The following GALNT15 variants were observed in gnomAD, a reference collection of about 807,000 sequenced individuals.
The protein encoded by GALNT15 is UDP-GalNAc transferase T15.
In GALNT15, 67 loss-of-function variants were observed where a neutral mutation model predicts 66.8. That is an observed-to-expected ratio of 1.00 (90% CI 0.82 to 1.23). The LOEUF (loss-of-function observed/expected upper bound fraction) is 1.23, where lower values mean the gene tolerates loss of function less well. Ranked by LOEUF, GALNT15 falls within the 50% of genes most tolerant of loss-of-function variation. The pLI is 0.00. For missense variants in GALNT15, 827 were observed against 804.3 expected (o/e 1.03, Z -0.34); for synonymous variants, 313 against 311.5 (o/e 1.00, Z -0.05).
In GALNT15 at chr3:16,203,945, A is replaced by G. The variant is rs2063730468; in HGVS notation, c.911+3122A>G. 2.0e-5 allele frequency among the ~76,000 whole-genome samples: 3 copies of G among 151,920 alleles called. No homozygotes were observed. The highest frequency in any genetic ancestry group is 2.0e-4 in the Admixed American group (3 of 15,252). On this transcript the variant is annotated intron_variant, in intron 3 of 9. Coordinates refer to ENST00000339732, the MANE Select transcript of GALNT15 (RefSeq NM_054110.5). This position sits in a 1 kb window ranked among gnomAD's most constrained non-coding sequence, Gnocchi z 6.2. ...GCATTTGGTGCAGCTCCTCACATGGAGAGGAGAGGGGGCCCAGCTGTCTCC... is the reference window on the plus strand; with the variant it reads ...GCATTTGGTGCAGCTCCTCACATGGGGAGGAGAGGGGGCCCAGCTGTCTCC...
At chr3:16,178,489 A>G (rs2063435340) in intron 1 of GALNT15, among the ~76,000 whole-genome samples, 1 of 152,288 alleles carries the variant, frequency 6.6e-6, no homozygotes, top group South Asian at 2.1e-4. Flanking sequence ...AACGGCCGCC[A>G]GCTTTGTGCG....
the GALNT15 span, among the ~76,000 whole-genome samples, chr3:16,246,321 G>T: frequency 1.5e-3 from 128 of 85,300 alleles, 1 homozygote; most frequent in African/African-American, 2.0e-3. Context: ...TTTGAAAGTG[G>T]TTTTTTTTTT....
At position 16,176,194 on chromosome 3, in the gene GALNT15, G is replaced by C. The variant is rs1434120304; in HGVS notation, c.539+504G>C. ...AATAACAATTGCAGTTTACATTTAG[G>C]GGGCTCTTCCCATGCGTCTGGATTT... On this transcript the variant is annotated intron_variant, in intron 1 of 9. Transcript: ENST00000339732. The surrounding 1 kb of genome is among the most constrained non-coding windows in gnomAD (Gnocchi z 5.6). 1.3e-5 allele frequency among the ~76,000 whole-genome samples: 2 copies of C among 152,124 alleles called. No homozygotes were observed. Among genetic ancestry groups the C allele is most frequent in the African/African-American group, 4.8e-5 (2 of 41,412 alleles).
At chr3:16,197,623 C>T (rs1479295461) in intron 2 of GALNT15, among the ~76,000 whole-genome samples, 2 of 152,124 alleles carry the variant, frequency 1.3e-5, no homozygotes, top group Admixed American at 6.5e-5. Flanking sequence ...GCTTCCAAGC[C>T]GATGGTCATG....
downstream of GALNT15, chr3:16,231,674 T>C: frequency 1.3e-6 from 1 of 754,694 alleles, no homozygotes; most frequent in Non-Finnish European, 2.2e-6. This position sits in a 1 kb window ranked among gnomAD's most constrained non-coding sequence, Gnocchi z 4.1. Flanking sequence ...TAAAGTTCCC[T>C]AACAATTCCC....
In GALNT15 at chr3:16,187,154, C is replaced by T. The variant is rs1420607410; in HGVS notation, c.540-8606C>T. 6.6e-6 allele frequency among the ~76,000 whole-genome samples: 1 copy of T among 152,010 alleles called. No homozygotes were observed. The highest frequency in any genetic ancestry group is 1.5e-5 in the Non-Finnish European group (1 of 68,000). ...TGGTGCATGCCTGTAATCCCAGCTA[C>T]TCAGGAGGCTGAGGTGGGAGAATCG... is the stretch of plus-strand genomic sequence containing the variant. On this transcript the variant is annotated intron_variant, in intron 1 of 9. Coordinates refer to ENST00000339732, the MANE Select transcript of GALNT15 (RefSeq NM_054110.5). This position sits in a 1 kb window ranked among gnomAD's most constrained non-coding sequence, Gnocchi z 5.1.
intron 8 of GALNT15, 41 bp from the exon 9 acceptor site, chr3:16,222,574 T>G (rs1574998563): frequency 6.2e-7 from 1 of 1,613,058 alleles, no homozygotes; most frequent in Non-Finnish European, 8.5e-7. Context: ...TTGAAGAGGA[T>G]CTCTTTCTAG....
Position 16,200,855 on chromosome 3 carries a change from C to G in GALNT15, c.911+32C>G. On this transcript the variant is annotated intron_variant, in intron 3 of 9. Coordinates refer to ENST00000339732, the MANE Select transcript of GALNT15 (RefSeq NM_054110.5). This position sits in a 1 kb window ranked among gnomAD's most constrained non-coding sequence, Gnocchi z 4.4. ...TATTCCCTGGGCTTGCAAAGCAAGA[C>G]ATGGAACTGGGAGAAACAGTCTACA... 1.3e-6 allele frequency: 2 copies of G among 1,542,930 alleles called. No homozygotes were observed. The highest frequency in any genetic ancestry group is 1.8e-6 in the Non-Finnish European group (2 of 1,135,910).
the GALNT15 span, among the ~76,000 whole-genome samples, chr3:16,244,283 G>A: frequency 6.6e-6 from 1 of 152,194 alleles, no homozygotes; most frequent in African/African-American, 2.4e-5. Context: ...ATTCACTTGA[G>A]GGTGACAAAG....
At position 16,219,788 on chromosome 3, in the gene GALNT15, T is replaced by C; in HGVS notation, c.1525-122T>C. On this transcript the variant is annotated intron_variant, in intron 7 of 9. Transcript: ENST00000339732. The surrounding 1 kb of genome is among the most constrained non-coding windows in gnomAD (Gnocchi z 4.3). ...GCTTCAGCTTTACCACACCTGTTGT[T>C]GTGGCCTGAACAATGTGCCTTGGGC... 1.1e-6 allele frequency: 1 copy of C among 915,760 alleles called. No homozygotes were observed. The highest frequency in any genetic ancestry group is 1.8e-6 in the Non-Finnish European group (1 of 560,460). The allele number at this position is 915,760 out of a possible 1,614,324, so 56.7% of individuals were successfully genotyped here.
intron 1 of GALNT15, among the ~76,000 whole-genome samples, chr3:16,185,784 TA>T (rs200435797): frequency 7.5e-6 from 1 of 134,058 alleles, no homozygotes; most frequent in Non-Finnish European, 1.6e-5. Flanking sequence ...GATAGATAGA[TA>T]GATAGATGAT....
At position 16,175,273 on chromosome 3, in the gene GALNT15, A is replaced by C. The variant is rs1259617922; in HGVS notation, c.122A>C (p.His41Pro). ...AMLHPPHHTLHQTVTAQASKH... is the reference protein window; with the variant it reads ...AMLHPPHHTLPQTVTAQASKH... ...TTGCACCCTCCCCACCACACCCTGC[A>C]CCAGACTGTCACAGCCCAAGCCAGC... Residue 41 changes from histidine to proline, a missense_variant, in exon 1 of 10, where the codon CAC becomes CCC. By Grantham distance (77) the His-to-Pro change is moderately conservative. Transcript: ENST00000339732. This position sits in a 1 kb window ranked among gnomAD's most constrained non-coding sequence, Gnocchi z 5.6. 6.2e-7 allele frequency: 1 copy of C among 1,614,046 alleles called. No homozygotes were observed. The highest frequency in any genetic ancestry group is 2.2e-5 in the East Asian group (1 of 44,884).
At chr3:16,247,204 T>C in the GALNT15 span, among the ~76,000 whole-genome samples, 1 of 151,952 alleles carries the variant, frequency 6.6e-6, no homozygotes, top group Non-Finnish European at 1.5e-5. Context: ...CACAGAAATA[T>C]GGATCAATAA....
intron 3 of GALNT15, among the ~76,000 whole-genome samples, chr3:16,201,488 C>T (rs1309349013): frequency 3.9e-5 from 6 of 152,134 alleles, no homozygotes; most frequent in South Asian, 2.1e-4. Flanking sequence ...GCCGAAAATT[C>T]GTCAATTTTA....
At position 16,227,723 on chromosome 3, in the gene GALNT15, C is replaced by T. The variant is rs146520084; in HGVS notation, c.*223C>T. 4.5e-4 allele frequency: 626 copies of T among 1,375,968 alleles called. 2 individuals carry two copies. In the African/African-American group the frequency reaches 7.8e-3, roughly 17 times the overall value. 85.2% of individuals were successfully genotyped at this position (1,375,968 alleles called of 1,614,324 possible). A position where few individuals can be genotyped will look rare whatever the true frequency, so the allele number is the denominator to read the frequency against. On this transcript the variant is annotated 3_prime_UTR_variant, in exon 10 of 10. Coordinates refer to ENST00000339732, the MANE Select transcript of GALNT15 (RefSeq NM_054110.5). This position sits in a 1 kb window ranked among gnomAD's most constrained non-coding sequence, Gnocchi z 4.5. Reference sequence around the variant, plus strand: ...AAAAAAAAAAAAGGATCCATTGTACCGTTGTCTTCATCACTGGGAAATGAT... The same window carrying T: ...AAAAAAAAAAAAGGATCCATTGTACTGTTGTCTTCATCACTGGGAAATGAT...
At chr3:16,201,165 TTTTTCTTTTTC>T (rs1227069135) in intron 3 of GALNT15, among the ~76,000 whole-genome samples, 9 of 3,390 alleles carry the variant, frequency 2.7e-3, no homozygotes, top group East Asian at 0.071. Flanking sequence ...TGGCAATTTT[TTTTTCTTTTTC>T]TTTTTCTTTT....
chr3:16,176,657 G>C lies in GALNT15; in HGVS notation c.539+967G>C, dbSNP rs2063413097. Among the ~76,000 whole-genome samples the C allele has an allele frequency of 6.6e-6, 1 of 152,232 alleles. No homozygotes were observed. The highest frequency in any genetic ancestry group is 1.5e-5 in the Non-Finnish European group (1 of 68,040). ...ACTGAGGAGGGAGCCTTGGTTACCA[G>C]CATCCAGGGAGCAAGGCAGCTTGTT... On this transcript the variant is annotated intron_variant, in intron 1 of 9. Transcript: ENST00000339732. The surrounding 1 kb of genome is among the most constrained non-coding windows in gnomAD (Gnocchi z 5.6).
chr3:16,220,279 C>T (rs1191161520), intron 8 of GALNT15: 1 of 469,782 alleles, frequency 2.1e-6, no homozygotes, highest in Non-Finnish European at 3.9e-6. Flanking sequence ...CCAAACTTTT[C>T]ATTTGACAGA....
At chr3:16,185,740 TAGACAGAC>T (rs58439664) in intron 1 of GALNT15, among the ~76,000 whole-genome samples, 1 of 136,692 alleles carries the variant, frequency 7.3e-6, no homozygotes, top group African/African-American at 2.8e-5. Context: ...AAGATGGTGA[TAGACAGAC>T]AGATAGATAG....
Sources: allele counts gnomAD v4.1 joint callset (sites outside exome capture counted in the v4.1 genomes callset), GRCh38; gene constraint gnomAD v4.1.1; non-coding constraint Gnocchi (gnomAD v3.1); transcripts MANE v1.5; gene names NCBI Gene and HGNC (gene_info 2026-07-23, HGNC 2026-07-21).